Variants in ATP8A2 observed in about 807,000 individuals in gnomAD.
The protein encoded by ATP8A2 is ATPase phospholipid transporting 8A2.
In ATP8A2, 100 loss-of-function variants were observed where a neutral mutation model predicts 165.6. The observed-to-expected ratio is 0.60, with a 90% confidence interval of 0.51 to 0.71. The LOEUF (loss-of-function observed/expected upper bound fraction) is 0.71. Ranked by LOEUF, ATP8A2 falls within the 30% of genes least tolerant of loss-of-function variation. The probability of loss-of-function intolerance (pLI) is 0.00; values close to 1 mark genes in which losing one functional copy is unlikely to be tolerated. For synonymous variants in ATP8A2, 543 were observed against 548.8 expected (o/e 0.99, Z 0.15); for missense variants, 1,227 against 1,479.5 (o/e 0.83, Z 2.80).
intron 25 of ATP8A2, among the ~76,000 whole-genome samples, chr13:25,706,007 T>G (rs1468821542): frequency 1.3e-5 from 2 of 152,208 alleles, no homozygotes; most frequent in Admixed American, 6.5e-5. Flanking sequence ...ATGATGTCCA[T>G]AAAACAATAA....
At chr13:25,393,269 A>G (rs1289949712) in intron 1 of ATP8A2, among the ~76,000 whole-genome samples, 1 of 151,964 alleles carries the variant, frequency 6.6e-6, no homozygotes, top group Admixed American at 6.6e-5. Context: ...ATCTGGGGCT[A>G]CAGGCGCGTG....
intron 33 of ATP8A2, among the ~76,000 whole-genome samples, chr13:25,958,468 G>A (rs1235220062): frequency 6.6e-6 from 1 of 152,164 alleles, no homozygotes; most frequent in Non-Finnish European, 1.5e-5. Context: ...TCTGACCCAG[G>A]GCAGTGCTGC....
At chr13:25,385,743 G>A (rs956764172) in intron 1 of ATP8A2, among the ~76,000 whole-genome samples, 4 of 152,086 alleles carry the variant, frequency 2.6e-5, no homozygotes, top group African/African-American at 9.7e-5. Flanking sequence ...CCAGGCTGGA[G>A]TGCAGTGGTG....
rs28691235 is a variant in ATP8A2 at position 25,953,124 on chromosome 13, T to C, written c.3184-8451T>C. Among the ~76,000 whole-genome samples, 1 of 152,170 alleles carries C rather than the reference T, an allele frequency of 6.6e-6. No individual in the cohort carries two copies. Among genetic ancestry groups the C allele is most frequent in the Admixed American group, 6.5e-5 (1 of 15,272 alleles). ...GGTTTTGTTTTATTTTGTTGTTGTG[T>C]TGTCGATGCTGGGTGGGAATGGATT... On this transcript the variant is annotated intron_variant, in intron 33 of 36. Transcript: ENST00000381655. This position sits in a 1 kb window ranked among gnomAD's most constrained non-coding sequence, Gnocchi z 6.7.
At chr13:25,481,141 C>T (rs1308717621) in intron 2 of ATP8A2, among the ~76,000 whole-genome samples, 1 of 59,200 alleles carries the variant, frequency 1.7e-5, no homozygotes, top group East Asian at 2.1e-4. Context: ...CAGAGGGAGA[C>T]CGTGGAAAGA....
At chr13:25,798,430 C>T (rs1436988330) in intron 27 of ATP8A2, among the ~76,000 whole-genome samples, 1 of 152,126 alleles carries the variant, frequency 6.6e-6, no homozygotes, top group Non-Finnish European at 1.5e-5. Context: ...TTGGTGCACA[C>T]AACTGTCTGT....
intron 33 of ATP8A2, among the ~76,000 whole-genome samples, chr13:25,943,008 C>G (rs1264046297): frequency 1.3e-5 from 2 of 152,034 alleles, no homozygotes; most frequent in African/African-American, 2.4e-5. Context: ...TTCATGTCCC[C>G]GCTGAGAGTC....
chr13:26,011,885 T>C (rs1363244123), intron 35 of ATP8A2, among the ~76,000 whole-genome samples: 1 of 152,180 alleles, frequency 6.6e-6, no homozygotes, highest in East Asian at 1.9e-4. Context: ...CAGTGAGCTA[T>C]GATTGTGCCA....
intron 33 of ATP8A2, among the ~76,000 whole-genome samples, chr13:25,921,461 C>CA (rs60085641): frequency 0.053 from 7,053 of 133,636 alleles, 402 homozygotes; most frequent in East Asian, 0.25. Context: ...GCTAAAAATA[C>CA]AAAAAAAAAA....
At chr13:25,830,566 C>T (rs955877354) in intron 28 of ATP8A2, among the ~76,000 whole-genome samples, 10 of 152,122 alleles carry the variant, frequency 6.6e-5, no homozygotes, top group African/African-American at 1.7e-4. Flanking sequence ...ACTGGAGGGG[C>T]CAAACCTTCT....
chr13:25,438,446 G>A (rs953224063), intron 1 of ATP8A2, among the ~76,000 whole-genome samples: 3 of 151,996 alleles, frequency 2.0e-5, no homozygotes, highest in Admixed American at 6.6e-5. Flanking sequence ...GAGTTTAGAT[G>A]AGCCTGAGCA....
rs573705300 is a variant in ATP8A2, at chr13:25,956,787, A to C, written c.3184-4788A>C. On this transcript the variant is annotated intron_variant, in intron 33 of 36. Transcript: ENST00000381655. ...AAAAACTACTTTAAATTTCATATGG[A>C]ATCAAAAAAGAGCCCATATAGCCAA... Among the ~76,000 whole-genome samples, 3 of 152,344 alleles carry C rather than the reference A, an allele frequency of 2.0e-5. No individual in the cohort carries two copies. The South Asian group carries it at 6.2e-4, about 32-fold the overall frequency.
intron 24 of ATP8A2, among the ~76,000 whole-genome samples, chr13:25,627,673 G>A (rs886459106): frequency 6.6e-6 from 1 of 152,120 alleles, no homozygotes; most frequent in Non-Finnish European, 1.5e-5. Context: ...AGAAATAAAT[G>A]CCTGTTGTTT....
intron 33 of ATP8A2, among the ~76,000 whole-genome samples, chr13:25,897,257 G>A (rs548811627): frequency 2.4e-4 from 36 of 152,278 alleles, no homozygotes; most frequent in African/African-American, 8.4e-4. Flanking sequence ...GCATTTGCTT[G>A]TCTGTAAAGT....
chr13:25,679,680 T>C (rs1238004675), intron 24 of ATP8A2, among the ~76,000 whole-genome samples: 2 of 152,212 alleles, frequency 1.3e-5, no homozygotes, highest in Non-Finnish European at 2.9e-5. Context: ...ATATGTTATT[T>C]TGAAATAATG....
chr13:25,669,951 C>T (rs2042231803), intron 24 of ATP8A2, among the ~76,000 whole-genome samples: 1 of 152,148 alleles, frequency 6.6e-6, no homozygotes, highest in Non-Finnish European at 1.5e-5. Context: ...ACTTTAGCTC[C>T]CTGATACCAG....
chr13:25,624,585 T>C (rs1030427134), intron 24 of ATP8A2, among the ~76,000 whole-genome samples: 1 of 152,212 alleles, frequency 6.6e-6, no homozygotes, highest in Non-Finnish European at 1.5e-5. Context: ...AGGTGAACAA[T>C]GTATTTCCCA....
At chr13:25,479,541 G>A (rs1293350004) in intron 2 of ATP8A2, among the ~76,000 whole-genome samples, 1 of 151,890 alleles carries the variant, frequency 6.6e-6, no homozygotes, top group Admixed American at 6.6e-5. Context: ...CTCACGGAGG[G>A]GGATTTGGCA....
chr13:25,775,846 T>C (rs1308490591), intron 27 of ATP8A2, among the ~76,000 whole-genome samples: 1 of 152,266 alleles, frequency 6.6e-6, no homozygotes, highest in Non-Finnish European at 1.5e-5. Context: ...CAACTTTTTC[T>C]GATGTAAGCT....
Sources: allele counts gnomAD v4.1 joint callset (sites outside exome capture counted in the v4.1 genomes callset), GRCh38; gene constraint gnomAD v4.1.1; non-coding constraint Gnocchi (gnomAD v3.1); transcripts MANE v1.5; gene names NCBI Gene and HGNC (gene_info 2026-07-23, HGNC 2026-07-21).